Variants in DHODH observed in about 807,000 individuals in gnomAD.
DHODH encodes dihydroorotate dehydrogenase (quinone), also known as dihydroorotate dehydrogenase (quinone), mitochondrial.
DHODH carries 30 observed loss-of-function variants against 39.7 expected under a neutral mutation model. The ratio of observed to expected loss-of-function variants is 0.76; its 90% CI spans 0.57 to 1.02. The LOEUF (loss-of-function observed/expected upper bound fraction) is 1.02. Among genes scored for constraint, DHODH ranks in the 50% least tolerant of loss-of-function variants. The pLI is 0.00. For missense variants in DHODH, 531 were observed against 520.8 expected, an observed-to-expected ratio of 1.02 and a Z score of -0.19; for synonymous variants, 222 against 213.8, an observed-to-expected ratio of 1.04 and a Z score of -0.34.
rs781019880 is a variant in DHODH at position 72,024,245 on chromosome 16, T to C, written c.*46T>C. On this transcript the variant is annotated 3_prime_UTR_variant, in exon 9 of 9. Transcript: ENST00000219240. ...CCTGATCTGGAACCTTCCCAAGGAC[T>C]CAGGCAAGCCTTTGTGGCTGGATCA... 3.1e-6 allele frequency: 5 copies of C among 1,604,816 alleles called. No individual in the cohort carries two copies. The highest frequency in any genetic ancestry group is 4.3e-6 in the Non-Finnish European group (5 of 1,172,068).
rs899222275 is a variant in DHODH at position 72,023,976 on chromosome 16, C to G, written c.1134-169C>G. On this transcript the variant is annotated intron_variant, in intron 8 of 8. Transcript: ENST00000219240. Reference sequence around the variant, plus strand: ...ACTTAAAAGCAATTTCCTTCCTGCTCTGTTCCTACCTGGGTAGAAATATCC... The same window carrying G: ...ACTTAAAAGCAATTTCCTTCCTGCTGTGTTCCTACCTGGGTAGAAATATCC... Among the ~76,000 whole-genome samples the G allele has an allele frequency of 3.9e-5, 6 of 152,202 alleles. No homozygotes were observed. In the East Asian group the frequency reaches 5.8e-4, roughly 15 times the overall value.
chr16:72,019,399 G>A (rs2041178778), intron 4 of DHODH, among the ~76,000 whole-genome samples: 1 of 152,152 alleles, frequency 6.6e-6, no homozygotes, highest in Non-Finnish European at 1.5e-5. Flanking sequence ...TCTCTGGCCT[G>A]ACAACACATT....
In DHODH at chr16:72,014,761, C is replaced by T. The variant is rs553114904; in HGVS notation, c.434+89C>T. The T allele has an allele frequency of 1.8e-4, 235 of 1,298,256 alleles. 1 individual carries two copies. The highest frequency in any genetic ancestry group is 3.8e-4 in the Admixed American group (20 of 52,648). 80.4% of individuals were successfully genotyped at this position (1,298,256 alleles called of 1,614,324 possible). A position where few individuals can be genotyped will look rare whatever the true frequency, so the allele number is the denominator to read the frequency against. ...TAAGATCTGCCTCTGTTTTTTTTCTCTCATACAATGTGGACATTCTTCTGT... is the reference window on the plus strand; with the variant it reads ...TAAGATCTGCCTCTGTTTTTTTTCTTTCATACAATGTGGACATTCTTCTGT... On this transcript the variant is annotated intron_variant, in intron 3 of 8. Coordinates refer to ENST00000219240, the MANE Select transcript of DHODH (RefSeq NM_001361.5).
In DHODH at chr16:72,025,485, C is replaced by G. The variant is rs1214381333; in HGVS notation, c.*1286C>G. On this transcript the variant is annotated 3_prime_UTR_variant, in exon 9 of 9. Transcript: ENST00000219240. ...CGGTCTTTTGAGTGGGGTCTGTTTA[C>G]CCAGTCCCCTGTTGGTGATCACATC... The G allele has an allele frequency of 1.3e-5, 2 of 152,212 alleles. No homozygotes were observed. The allele number at this position is 152,212 out of a possible 1,614,324, so 9.4% of individuals were successfully genotyped here.
At position 72,023,500 on chromosome 16, in the gene DHODH, GGT is replaced by G; in HGVS notation, c.1004_1005del (p.Val335GlufsTer86). ...QGRVPIIGVG[G>X]VSSGQDALEK... The stretch of plus-strand genomic sequence containing the variant: ...CCGAGTTCCCATAATTGGGGTTGGT[GGT>G]GTGAGCAGCGGGCAGGACGCGCTGG... On this transcript the variant is annotated frameshift_variant, in exon 8 of 9. Transcript: ENST00000219240. LOFTEE classifies it high-confidence loss of function. 1.2e-6 allele frequency: 2 copies of G among 1,614,138 alleles called. No homozygotes were observed. The highest frequency in any genetic ancestry group is 1.7e-6 in the Non-Finnish European group (2 of 1,180,036).
chr16:72,024,296 C>T lies in DHODH; in HGVS notation c.*97C>T. On this transcript the variant is annotated 3_prime_UTR_variant, in exon 9 of 9. Coordinates refer to ENST00000219240, the MANE Select transcript of DHODH (RefSeq NM_001361.5). ...TGAGAGGAGGGACTCCATCTTGAGC[C>T]ATGTCCCCCAGCCATGGCATGGCTG... 7.4e-7 allele frequency: 1 copy of T among 1,358,322 alleles called. No individual in the cohort carries two copies. The highest frequency in any genetic ancestry group is 1.0e-6 in the Non-Finnish European group (1 of 954,608). 84.1% of individuals were successfully genotyped at this position (1,358,322 alleles called of 1,614,324 possible). A position where few individuals can be genotyped will look rare whatever the true frequency, so the allele number is the denominator to read the frequency against.
In DHODH at chr16:72,027,297, A is replaced by C. The variant is rs112603394; in HGVS notation, c.*3098A>C. On this transcript the variant is annotated 3_prime_UTR_variant, in exon 9 of 9. Coordinates refer to ENST00000219240, the MANE Select transcript of DHODH (RefSeq NM_001361.5). ...AGGCGTGAGCCAGCGTGCCTGGCTAATTTTTGTATTTTTAGTAGAGACGGG... is the reference window on the plus strand; with the variant it reads ...AGGCGTGAGCCAGCGTGCCTGGCTACTTTTTGTATTTTTAGTAGAGACGGG... 6.6e-6 allele frequency: 1 copy of C among 152,024 alleles called. No individual in the cohort carries two copies. The highest frequency in any genetic ancestry group is 2.4e-5 in the African/African-American group (1 of 41,338). 9.4% of individuals were successfully genotyped at this position (152,024 alleles called of 1,614,324 possible). A position where few individuals can be genotyped will look rare whatever the true frequency, so the allele number is the denominator to read the frequency against.
chr16:72,016,438 GA>G (rs548029639), intron 3 of DHODH: 47 of 166,514 alleles, frequency 2.8e-4, no homozygotes, highest in Admixed American at 1.8e-3. Flanking sequence ...AGGGATGAGA[GA>G]AGTATGAGAT....
intron 2 of DHODH, 42 bp from the exon 3 acceptor site, chr16:72,014,431 G>C (rs768943604): frequency 2.5e-6 from 4 of 1,573,492 alleles, no homozygotes; most frequent in Non-Finnish European, 3.5e-6. Flanking sequence ...GAAATACCGG[G>C]ATAGCCTTAG....
intron 4 of DHODH, chr16:72,020,268 C>T (rs1213204602): frequency 7.3e-6 from 1 of 137,298 alleles, no homozygotes; most frequent in African/African-American, 2.8e-5. Context: ...AGTGAGACTC[C>T]ATCTCAAAAA....
chr16:72,011,162 T>C (rs1050813944), intron 1 of DHODH, among the ~76,000 whole-genome samples: 5 of 152,202 alleles, frequency 3.3e-5, no homozygotes, highest in African/African-American at 1.2e-4. Flanking sequence ...CCTAGTGAGA[T>C]AGTTGTGTTT....
In DHODH at chr16:72,026,959, TTGTGTGTG is replaced by T. The variant is rs748279124; in HGVS notation, c.*2804_*2811del. ...GTGCCCACTACCACACCCAGCTAAT[TTGTGTGTG>T]TGTGTGTGTGTGTGTGTGTGTGTGT... On this transcript the variant is annotated 3_prime_UTR_variant, in exon 9 of 9. Coordinates refer to ENST00000219240, the MANE Select transcript of DHODH (RefSeq NM_001361.5). The T allele has an allele frequency of 0.055, 1,145 of 20,940 alleles. 14 individuals carry two copies. The highest frequency in any genetic ancestry group is 0.074 in the Middle Eastern group (5 of 68). The allele number at this position is 20,940 out of a possible 1,614,324, so 1.3% of individuals were successfully genotyped here. A position where few individuals can be genotyped will look rare whatever the true frequency, so the allele number is the denominator to read the frequency against.
chr16:72,013,082 C>A (rs1412906285), intron 2 of DHODH, among the ~76,000 whole-genome samples: 1 of 152,126 alleles, frequency 6.6e-6, no homozygotes, highest in Non-Finnish European at 1.5e-5. Flanking sequence ...AAACAAGAAG[C>A]CCTCAGAACT....
At chr16:72,013,672 G>A (rs1220637927) in intron 2 of DHODH, 1 of 152,274 alleles carries the variant, frequency 6.6e-6, no homozygotes, top group East Asian at 1.9e-4. Context: ...TCTGAGAGCA[G>A]GACCTGAAAG....
chr16:72,020,329 G>GTATATATATATATA (rs60652629), intron 4 of DHODH: 29 of 102,170 alleles, frequency 2.8e-4, no homozygotes, highest in African/African-American at 1.3e-3. Flanking sequence ...ATGTATATGT[G>GTATATATATATATA]TATATATATA....
intron 3 of DHODH, chr16:72,016,543 G>A (rs1318856148): frequency 3.9e-6 from 1 of 253,860 alleles, no homozygotes; most frequent in Non-Finnish European, 7.8e-6. Flanking sequence ...CCAAAGCTCT[G>A]TATGAAGGCC....
At chr16:72,015,827 G>A in intron 3 of DHODH, 1 of 985,500 alleles carries the variant, frequency 1.0e-6, no homozygotes, top group Non-Finnish European at 1.2e-6. Flanking sequence ...TCTGAGCCCT[G>A]TGTGTGCGGC....
chr16:72,017,001 T>A (rs1228062922), intron 3 of DHODH, 23 bp from the exon 4 acceptor site: 3 of 1,611,638 alleles, frequency 1.9e-6, no homozygotes, highest in Non-Finnish European at 2.5e-6. Flanking sequence ...ACTCTGCCCC[T>A]CCCGTGTGCT....
intron 1 of DHODH, among the ~76,000 whole-genome samples, chr16:72,009,509 CAAAAAAAAAA>C (rs56347696): frequency 6.2e-5 from 3 of 48,118 alleles, no homozygotes; most frequent in African/African-American, 2.6e-4. Flanking sequence ...GACTCCGTCT[CAAAAAAAAAA>C]AAAAAAAAAA....
Sources: allele counts gnomAD v4.1 joint callset (sites outside exome capture counted in the v4.1 genomes callset), GRCh38; gene constraint gnomAD v4.1.1; transcripts MANE v1.5; gene names NCBI Gene and HGNC (gene_info 2026-07-23, HGNC 2026-07-21).